CPNE4: variants seen among roughly 807,000 people sequenced by gnomAD.
CPNE4 encodes the protein copine 4, also known as copine-4.
In CPNE4, 25 loss-of-function variants were observed where a neutral mutation model predicts 67.9. The observed-to-expected ratio is 0.37, with a 90% CI of 0.27 to 0.51. CPNE4 has a LOEUF of 0.51. CPNE4 is among the 20% of genes least tolerant of loss of function. The pLI is 0.93. For synonymous variants in CPNE4, 242 were observed against 244.9 expected (o/e 0.99, Z 0.11); for missense variants, 464 against 690.8 (o/e 0.67, Z 3.68).
At chr3:131,921,760 G>T (rs2107810134) in intron 1 of CPNE4, among the ~76,000 whole-genome samples, 1 of 152,092 alleles carries the variant, frequency 6.6e-6, no homozygotes, top group Admixed American at 6.5e-5. Context: ...ATGTTACTAG[G>T]GTTAATATAA....
intron 9 of CPNE4, among the ~76,000 whole-genome samples, chr3:131,581,316 A>G (rs2107691486): frequency 6.6e-6 from 1 of 152,268 alleles, no homozygotes; most frequent in South Asian, 2.1e-4. Context: ...CTGGGCAGAG[A>G]TGATCCTAAC....
At position 131,874,445 on chromosome 3, in the gene CPNE4, C is replaced by A. The variant is rs943278887; in HGVS notation, c.180+30819G>T. Among the ~76,000 whole-genome samples the A allele has an allele frequency of 2.6e-5, 4 of 152,160 alleles. No individual in the cohort carries two copies. In the South Asian group the frequency reaches 6.2e-4, roughly 24 times the overall value. On this transcript the variant is annotated intron_variant, in intron 2 of 15. Coordinates refer to ENST00000429747, the MANE Select transcript of CPNE4 (RefSeq NM_130808.3). The stretch of plus-strand genomic sequence containing the variant: ...ACCTACCACATACCAGGCACTGGGC[C>A]AAACACGAGGAATAAAAATGGGGAA...
At chr3:131,919,530 T>G (rs562137500) in intron 1 of CPNE4, among the ~76,000 whole-genome samples, 1 of 152,302 alleles carries the variant, frequency 6.6e-6, no homozygotes, top group South Asian at 2.1e-4. Flanking sequence ...AATGGTTACC[T>G]TTTGTGAATG....
chr3:131,563,333 T>C (rs182830974), intron 11 of CPNE4, among the ~76,000 whole-genome samples: 53 of 152,170 alleles, frequency 3.5e-4, no homozygotes, highest in Middle Eastern at 3.4e-3. Context: ...TTAACTGAGA[T>C]TTACACATAT....
At chr3:131,739,131 C>G (rs1428652090) in intron 2 of CPNE4, among the ~76,000 whole-genome samples, 1 of 152,192 alleles carries the variant, frequency 6.6e-6, no homozygotes. Context: ...CTGGAGGGAT[C>G]AGTCCTCTCA....
chr3:131,792,048 T>C (rs2083738755), intron 2 of CPNE4, among the ~76,000 whole-genome samples: 1 of 152,146 alleles, frequency 6.6e-6, no homozygotes, highest in Non-Finnish European at 1.5e-5. Context: ...GCCTATGTAT[T>C]TCCTGGCAGA....
chr3:131,801,401 TA>T (rs1457735815), intron 2 of CPNE4, among the ~76,000 whole-genome samples: 2 of 99,656 alleles, frequency 2.0e-5, no homozygotes, highest in Non-Finnish European at 4.2e-5. Flanking sequence ...CATATATATA[TA>T]GGTACATATA....
At chr3:131,980,588 C>T (rs551720139) in intron 1 of CPNE4, among the ~76,000 whole-genome samples, 1 of 151,914 alleles carries the variant, frequency 6.6e-6, no homozygotes, top group Admixed American at 6.6e-5. Flanking sequence ...TTGAATATTT[C>T]TCCCTTCACT....
At chr3:131,692,330 T>C (rs766252371) in intron 5 of CPNE4, among the ~76,000 whole-genome samples, 17 of 152,164 alleles carry the variant, frequency 1.1e-4, no homozygotes, top group Non-Finnish European at 1.6e-4. Context: ...CTTATGAGCT[T>C]TGGGGATAAT....
At chr3:131,871,247 A>G (rs926630599) in intron 2 of CPNE4, among the ~76,000 whole-genome samples, 1 of 152,180 alleles carries the variant, frequency 6.6e-6, no homozygotes, top group South Asian at 2.1e-4. Flanking sequence ...TGAAGATGGA[A>G]CAGGAGAATG....
At chr3:131,719,433 T>C (rs911144268) in intron 3 of CPNE4, among the ~76,000 whole-genome samples, 2 of 152,228 alleles carry the variant, frequency 1.3e-5, no homozygotes, top group African/African-American at 4.8e-5. Context: ...AAACGTATCT[T>C]GAAAGGACTA....
intron 8 of CPNE4, 86 bp from the exon 9 acceptor site, chr3:131,581,751 C>A: frequency 1.1e-6 from 1 of 896,524 alleles, no homozygotes; most frequent in South Asian, 1.3e-5. Context: ...CTGCTGAGGA[C>A]AAACTGAACT....
chr3:131,773,115 G>A (rs367906362), intron 2 of CPNE4, among the ~76,000 whole-genome samples: 4 of 151,968 alleles, frequency 2.6e-5, no homozygotes, highest in African/African-American at 7.3e-5. Context: ...GCAAAACACC[G>A]TTGACTCTCA....
chr3:131,866,247 A>G (rs938312857), intron 2 of CPNE4, among the ~76,000 whole-genome samples: 1 of 152,212 alleles, frequency 6.6e-6, no homozygotes, highest in African/African-American at 2.4e-5. Flanking sequence ...AGTCTCCACA[A>G]CAGTGATGCA....
At chr3:131,734,253 C>T (rs1560204380) in intron 2 of CPNE4, among the ~76,000 whole-genome samples, 1 of 152,156 alleles carries the variant, frequency 6.6e-6, no homozygotes, top group African/African-American at 2.4e-5. Context: ...GAGGCAGTCA[C>T]CCCTCCATAA....
At chr3:131,694,831 A>G (rs2081113312) in intron 5 of CPNE4, among the ~76,000 whole-genome samples, 1 of 152,202 alleles carries the variant, frequency 6.6e-6, no homozygotes, top group Non-Finnish European at 1.5e-5. Context: ...AGTGATTTGC[A>G]TCAACATCAT....
chr3:131,655,290 T>G (rs894979227), intron 7 of CPNE4, among the ~76,000 whole-genome samples: 2 of 152,220 alleles, frequency 1.3e-5, no homozygotes, highest in African/African-American at 4.8e-5. Context: ...ATGATGTATG[T>G]TTCAACAAGC....
chr3:131,598,104 C>T (rs1377831901), intron 7 of CPNE4, among the ~76,000 whole-genome samples: 2 of 152,092 alleles, frequency 1.3e-5, no homozygotes, highest in African/African-American at 4.8e-5. Flanking sequence ...GGCACAGGAT[C>T]GAAGAGATGG....
intron 5 of CPNE4, among the ~76,000 whole-genome samples, chr3:131,687,302 A>C (rs1353149977): frequency 6.6e-6 from 1 of 152,188 alleles, no homozygotes; most frequent in Non-Finnish European, 1.5e-5. Flanking sequence ...AAGAGGAGAA[A>C]CTTTATTTTC....
Sources: allele counts gnomAD v4.1 joint callset (sites outside exome capture counted in the v4.1 genomes callset), GRCh38; gene constraint gnomAD v4.1.1; transcripts MANE v1.5; gene names NCBI Gene and HGNC (gene_info 2026-07-23, HGNC 2026-07-21).